KIAA0825: variants seen among roughly 807,000 people sequenced by gnomAD.
KIAA0825 encodes uncharacterized protein KIAA0825.
KIAA0825 carries 119 observed loss-of-function variants against 147.6 expected under a neutral mutation model. The ratio of observed to expected loss-of-function variants is 0.81; its 90% CI spans 0.69 to 0.94. The LOEUF (loss-of-function observed/expected upper bound fraction) is 0.94. Among genes scored for constraint, KIAA0825 ranks in the 40% least tolerant of loss-of-function variants. The probability of loss-of-function intolerance (pLI) is 0.00; values close to 1 mark genes in which losing one functional copy is unlikely to be tolerated. For synonymous variants in KIAA0825, 470 were observed against 518.1 expected (o/e 0.91, Z 1.26); for missense variants, 1,381 against 1,472.7 (o/e 0.94, Z 1.02).
At chr5:94,399,616 C>T (rs920498742) in intron 16 of KIAA0825, among the ~76,000 whole-genome samples, 5 of 152,026 alleles carry the variant, frequency 3.3e-5, no homozygotes, top group Non-Finnish European at 7.4e-5. Flanking sequence ...GCTACACACT[C>T]GTCTTTCTGT....
intron 20 of KIAA0825, among the ~76,000 whole-genome samples, chr5:94,374,262 T>G (rs1054597555): frequency 2.6e-5 from 4 of 152,198 alleles, no homozygotes; most frequent in Non-Finnish European, 1.5e-5. Flanking sequence ...TTGAGAAACT[T>G]ATTATACCTT....
At chr5:94,557,259 G>A (rs1023496970) in intron 2 of KIAA0825, among the ~76,000 whole-genome samples, 1 of 151,964 alleles carries the variant, frequency 6.6e-6, no homozygotes, top group Non-Finnish European at 1.5e-5. Flanking sequence ...CTACAGGCAC[G>A]TGCTACCATG....
At chr5:94,569,360 C>A in intron 2 of KIAA0825, 1 of 372,760 alleles carries the variant, frequency 2.7e-6, no homozygotes, top group South Asian at 1.4e-4. Context: ...CCCAACCACA[C>A]CACTAACAAT....
intron 1 of KIAA0825, among the ~76,000 whole-genome samples, chr5:94,588,091 T>C (rs970523439): frequency 1.3e-5 from 2 of 152,106 alleles, no homozygotes; most frequent in African/African-American, 2.4e-5. Flanking sequence ...ATAAAAACTG[T>C]AGAAGAAAGC....
intron 20 of KIAA0825, among the ~76,000 whole-genome samples, chr5:94,240,281 G>A (rs1443812239): frequency 1.3e-5 from 2 of 152,206 alleles, no homozygotes; most frequent in Admixed American, 1.3e-4. Context: ...TTTGATGATA[G>A]TATGAAAGAA....
chr5:94,564,391 TGTGTGTGTGTGTGTG>T (rs1778185941), intron 2 of KIAA0825, among the ~76,000 whole-genome samples: 1 of 139,466 alleles, frequency 7.2e-6, no homozygotes, highest in African/African-American at 2.8e-5. Flanking sequence ...AATTTGTGTG[TGTGTGTGTGTGTGTG>T]ATGGAGATGA....
At chr5:94,165,259 C>G (rs974222167) in intron 20 of KIAA0825, among the ~76,000 whole-genome samples, 3 of 152,070 alleles carry the variant, frequency 2.0e-5, no homozygotes, top group Non-Finnish European at 4.4e-5. Context: ...TGAAAAGGTG[C>G]TCAGCATCAT....
Position 94,471,518 on chromosome 5 carries a change from C to T in KIAA0825, c.1669G>A (p.Val557Ile). ...TCATATCGCTTGAAATGCTGGAAGA[C>T]ATACACCGCTGTGGAGAGGTATGTG... The part of the protein sequence containing the change: ...LHTYLSTAVY[V>I]FQHFKRYDNL... Residue 557 changes from valine (V) to isoleucine (I), a missense_variant, in exon 9 of 21, where the codon GTC (valine) becomes ATC (isoleucine). Coordinates refer to ENST00000682413, the MANE Select transcript of KIAA0825 (RefSeq NM_001145678.3). 2 of 1,552,120 alleles carry T rather than the reference C, an allele frequency of 1.3e-6. No homozygotes were observed. Among genetic ancestry groups the T allele is most frequent in the African/African-American group, 1.4e-5 (1 of 73,164 alleles).
intron 1 of KIAA0825, among the ~76,000 whole-genome samples, chr5:94,609,948 G>C (rs1788375217): frequency 6.6e-6 from 1 of 152,138 alleles, no homozygotes; most frequent in African/African-American, 2.4e-5. Flanking sequence ...TGGAAGAACT[G>C]AACTGCCATG....
chr5:94,443,373 C>T (rs1238703738), intron 13 of KIAA0825, among the ~76,000 whole-genome samples: 1 of 151,610 alleles, frequency 6.6e-6, no homozygotes, highest in Non-Finnish European at 1.5e-5. Flanking sequence ...CACACACACA[C>T]ACACACACAC....
intron 15 of KIAA0825, chr5:94,415,620 T>C (rs770695216): frequency 6.6e-6 from 1 of 152,134 alleles, no homozygotes; most frequent in Non-Finnish European, 1.5e-5. Context: ...AGCAACAACT[T>C]GTATAAAGGA....
chr5:94,540,400 A>G (rs892998917), intron 2 of KIAA0825, among the ~76,000 whole-genome samples: 1 of 152,154 alleles, frequency 6.6e-6, no homozygotes, highest in African/African-American at 2.4e-5. Context: ...AAAACTGGAT[A>G]AGGTTTCCCT....
At chr5:94,565,424 C>A (rs528815160) in intron 2 of KIAA0825, among the ~76,000 whole-genome samples, 1 of 151,406 alleles carries the variant, frequency 6.6e-6, no homozygotes, top group South Asian at 2.1e-4. Context: ...TCACCGCAAC[C>A]TCTGCCTCCC....
intron 1 of KIAA0825, among the ~76,000 whole-genome samples, chr5:94,599,931 T>C (rs938323973): frequency 6.6e-6 from 1 of 152,142 alleles, no homozygotes; most frequent in Non-Finnish European, 1.5e-5. Flanking sequence ...TGTCATGTGT[T>C]GTCCACCCCC....
At chr5:94,305,013 T>C (rs1434210904) in intron 20 of KIAA0825, among the ~76,000 whole-genome samples, 1 of 152,016 alleles carries the variant, frequency 6.6e-6, no homozygotes, top group Admixed American at 6.6e-5. Context: ...AACATACCTT[T>C]AAAAAAGGCT....
chr5:94,382,772 A>T (rs1307628519), intron 20 of KIAA0825, among the ~76,000 whole-genome samples: 1 of 152,206 alleles, frequency 6.6e-6, no homozygotes, highest in Non-Finnish European at 1.5e-5. Context: ...CAAAAACAAA[A>T]ATATGCAATT....
At chr5:94,419,900 AT>A (rs1753954421) in intron 14 of KIAA0825, among the ~76,000 whole-genome samples, 1 of 152,146 alleles carries the variant, frequency 6.6e-6, no homozygotes, top group Admixed American at 6.6e-5. Flanking sequence ...AGTTAGGATG[AT>A]AAATTATTTG....
At chr5:94,519,155 G>A (rs2151201904) in intron 5 of KIAA0825, 1 of 834,996 alleles carries the variant, frequency 1.2e-6, no homozygotes, top group South Asian at 5.6e-5. Context: ...AGCTTCTGGA[G>A]GAAAATTAAA....
intron 2 of KIAA0825, among the ~76,000 whole-genome samples, chr5:94,545,832 G>A (rs1354387687): frequency 6.6e-6 from 1 of 152,168 alleles, no homozygotes; most frequent in Non-Finnish European, 1.5e-5. Context: ...AAAAACAGGG[G>A]GAAAAGTAAA....
Sources: allele counts gnomAD v4.1 joint callset (sites outside exome capture counted in the v4.1 genomes callset), GRCh38; gene constraint gnomAD v4.1.1; transcripts MANE v1.5; gene names NCBI Gene and HGNC (gene_info 2026-07-23, HGNC 2026-07-21).